The following GABBR2 variants were observed in gnomAD, a reference collection of about 807,000 sequenced individuals.
The protein encoded by GABBR2 is gamma-aminobutyric acid type B receptor subunit 2.
Under a neutral mutation model 105.6 loss-of-function variants are expected in GABBR2, and 23 were observed. The observed-to-expected ratio is 0.22, with a 90% CI of 0.16 to 0.31. The LOEUF is 0.31. Among genes scored for constraint, GABBR2 ranks in the 10% least tolerant of loss-of-function variants. The probability of loss-of-function intolerance (pLI) is 1.00; values close to 1 mark genes in which losing one functional copy is unlikely to be tolerated. For synonymous variants in GABBR2, 478 were observed against 499.7 expected (o/e 0.96, Z 0.58); for missense variants, 734 against 1,245.5 (o/e 0.59, Z 6.18).
chr9:98,335,265 G>A (rs1330004785), intron 13 of GABBR2, among the ~76,000 whole-genome samples: 1 of 152,140 alleles, frequency 6.6e-6, no homozygotes, highest in Non-Finnish European at 1.5e-5. Flanking sequence ...AACTCCCCAG[G>A]TGGGCCTCTC....
intron 3 of GABBR2, among the ~76,000 whole-genome samples, chr9:98,510,908 A>G (rs1295642157): frequency 6.6e-6 from 1 of 152,220 alleles, no homozygotes; most frequent in African/African-American, 2.4e-5. Context: ...AGCAGACCTA[A>G]TAGACATCTA....
At chr9:98,647,129 GC>G (rs375387565) in intron 1 of GABBR2, among the ~76,000 whole-genome samples, 173 of 152,348 alleles carry the variant, frequency 1.1e-3, no homozygotes, top group African/African-American at 3.9e-3. Context: ...CAGGTGAAGT[GC>G]TGGACTTCTG....
intron 1 of GABBR2, among the ~76,000 whole-genome samples, chr9:98,680,605 G>A (rs1181412316): frequency 1.3e-5 from 2 of 152,040 alleles, no homozygotes; most frequent in African/African-American, 2.4e-5. Flanking sequence ...CACCATGCCC[G>A]GCCTCTATTA....
chr9:98,391,027 T>C (rs562302482), intron 9 of GABBR2, among the ~76,000 whole-genome samples: 2 of 152,314 alleles, frequency 1.3e-5, no homozygotes, highest in Admixed American at 1.3e-4. Flanking sequence ...TCACTTTTCA[T>C]CTGGTCCATT....
chr9:98,611,635 C>A (rs945794896), intron 1 of GABBR2, among the ~76,000 whole-genome samples: 7 of 152,176 alleles, frequency 4.6e-5, no homozygotes, highest in Non-Finnish European at 1.0e-4. Flanking sequence ...TCTTGAAAAT[C>A]TGGATTTGGA....
At chr9:98,334,714 G>T (rs1398581008) in intron 13 of GABBR2, among the ~76,000 whole-genome samples, 1 of 152,232 alleles carries the variant, frequency 6.6e-6, no homozygotes, top group Non-Finnish European at 1.5e-5. Flanking sequence ...TCTGGCTGCT[G>T]TCCCCTAAGG....
chr9:98,643,939 C>A (rs1829999528), intron 1 of GABBR2, among the ~76,000 whole-genome samples: 1 of 152,204 alleles, frequency 6.6e-6, no homozygotes, highest in African/African-American at 2.4e-5. Context: ...CTGCCTAAGC[C>A]TCCGGGGGCT....
intron 6 of GABBR2, among the ~76,000 whole-genome samples, chr9:98,464,616 C>T (rs913543852): frequency 1.3e-5 from 2 of 150,472 alleles, no homozygotes; most frequent in South Asian, 2.1e-4. Flanking sequence ...CCAACAGCTC[C>T]GAAGAGACAG....
intron 12 of GABBR2, among the ~76,000 whole-genome samples, chr9:98,370,785 A>C (rs936780471): frequency 6.6e-6 from 1 of 152,162 alleles, no homozygotes; most frequent in Admixed American, 6.5e-5. Context: ...GTGGTGGATA[A>C]AGTTTCTCTA....
At chr9:98,588,727 A>C (rs1829107636) in intron 1 of GABBR2, among the ~76,000 whole-genome samples, 1 of 152,198 alleles carries the variant, frequency 6.6e-6, no homozygotes, top group Non-Finnish European at 1.5e-5. Flanking sequence ...GGGTAAGACT[A>C]CATTTCCCAG....
Position 98,449,562 on chromosome 9 carries a change from G to A in GABBR2, c.1236+4419C>T, listed in dbSNP as rs576274734. Among the ~76,000 whole-genome samples, 14 of 152,174 alleles carry A rather than the reference G, an allele frequency of 9.2e-5. 1 individual carries two copies. The South Asian group carries it at 2.9e-3, about 32-fold the overall frequency. On this transcript the variant is annotated intron_variant, in intron 7 of 18. Transcript: ENST00000259455. ...GTAAGACCACAGAATCAGAAGTTAT[G>A]GGGTGGGGCCAGGGAACCTGCATTT...
At chr9:98,622,773 G>A (rs539275033) in intron 1 of GABBR2, among the ~76,000 whole-genome samples, 1 of 152,306 alleles carries the variant, frequency 6.6e-6, no homozygotes, top group Admixed American at 6.5e-5. Flanking sequence ...GCAGGTACTT[G>A]TATTAATTTC....
intron 7 of GABBR2, among the ~76,000 whole-genome samples, chr9:98,411,752 T>A (rs971232534): frequency 6.6e-6 from 1 of 152,122 alleles, no homozygotes; most frequent in Admixed American, 6.5e-5. Flanking sequence ...TTATTTGTTG[T>A]TGAGATAGGG....
intron 6 of GABBR2, among the ~76,000 whole-genome samples, chr9:98,464,640 T>C (rs4743232): frequency 0.52 from 78,437 of 150,252 alleles, 20,507 homozygotes; most frequent in Non-Finnish European, 0.56. Flanking sequence ...CCATCGAGAA[T>C]GGGCCATGAT....
intron 7 of GABBR2, among the ~76,000 whole-genome samples, chr9:98,422,328 G>C (rs368658680): frequency 1.6e-4 from 24 of 152,146 alleles, no homozygotes; most frequent in African/African-American, 5.6e-4. Context: ...AGAGACATGG[G>C]GCCTCAGGCA....
At chr9:98,343,066 G>A (rs1831242662) in intron 13 of GABBR2, among the ~76,000 whole-genome samples, 1 of 152,168 alleles carries the variant, frequency 6.6e-6, no homozygotes, top group African/African-American at 2.4e-5. Flanking sequence ...TAACCACCAG[G>A]CTCAAAGCCA....
intron 1 of GABBR2, among the ~76,000 whole-genome samples, chr9:98,595,476 G>A (rs932182423): frequency 9.9e-5 from 15 of 151,078 alleles, no homozygotes; most frequent in Admixed American, 7.9e-4. Context: ...TGTAGTGCCA[G>A]GAATCAGGGA....
intron 13 of GABBR2, among the ~76,000 whole-genome samples, chr9:98,337,362 G>T (rs10985899): frequency 6.6e-6 from 1 of 152,220 alleles, no homozygotes; most frequent in African/African-American, 2.4e-5. Context: ...TGAAAAGATA[G>T]CCCATGTTCA....
intron 8 of GABBR2, among the ~76,000 whole-genome samples, chr9:98,394,479 G>A (rs1174917296): frequency 6.6e-6 from 1 of 152,148 alleles, no homozygotes; most frequent in East Asian, 1.9e-4. Context: ...TCCATCCTTT[G>A]CTTCACACCT....
Sources: gnomAD v4.1 joint callset for allele counts (sites outside exome capture counted in the v4.1 genomes callset) on GRCh38, gnomAD v4.1.1 for gene constraint, MANE v1.5 for transcripts, NCBI Gene and HGNC (gene_info 2026-07-23, HGNC 2026-07-21) for gene names.